The following PIK3CA variants were observed in gnomAD, a reference collection of about 807,000 sequenced individuals.
The protein encoded by PIK3CA is phosphatidylinositol-4,5-bisphosphate 3-kinase catalytic subunit alpha, also known as phosphatidylinositol 4,5-bisphosphate 3-kinase catalytic subunit alpha isoform.
In PIK3CA, 27 loss-of-function variants were observed where a neutral mutation model predicts 138.2. That is an observed-to-expected ratio of 0.20 (90% CI 0.14 to 0.27). PIK3CA has a LOEUF of 0.27. Ranked by LOEUF, PIK3CA falls within the 10% of genes least tolerant of loss-of-function variation. The pLI is 1.00. For missense variants in PIK3CA, 544 were observed against 1,277.4 expected, an observed-to-expected ratio of 0.43 and a Z score of 8.75; for synonymous variants, 358 against 413.2, an observed-to-expected ratio of 0.87 and a Z score of 1.62.
chr3:179,155,049 T>C (rs1353122389), intron 1 of PIK3CA, among the ~76,000 whole-genome samples: 1 of 152,186 alleles, frequency 6.6e-6, no homozygotes, highest in African/African-American at 2.4e-5. Context: ...AAATCAGTGT[T>C]GTGATGTGAA....
intron 1 of PIK3CA, among the ~76,000 whole-genome samples, chr3:179,160,309 T>C (rs1201386758): frequency 1.3e-5 from 2 of 148,918 alleles, no homozygotes; most frequent in Admixed American, 1.3e-4. Context: ...ATCTGACTAC[T>C]GAGCTTTTGC....
chr3:179,224,856 A>T (rs1376426017), intron 16 of PIK3CA, 35 bp downstream of exon 16: 3 of 1,488,568 alleles, frequency 2.0e-6, no homozygotes, highest in Non-Finnish European at 2.8e-6. Flanking sequence ...ATGATGCATG[A>T]ATTTAGCTAT....
chr3:179,214,629 G>A (rs1724795636), intron 9 of PIK3CA, among the ~76,000 whole-genome samples: 1 of 152,044 alleles, frequency 6.6e-6, no homozygotes, highest in Non-Finnish European at 1.5e-5. Flanking sequence ...CAAAAAATGA[G>A]CCATGCATTT....
intron 1 of PIK3CA, among the ~76,000 whole-genome samples, chr3:179,180,144 T>C (rs1034100126): frequency 3.3e-5 from 5 of 152,146 alleles, no homozygotes; most frequent in East Asian, 1.9e-4. Flanking sequence ...TAATTAGATA[T>C]ATGTTTTTAG....
At chr3:179,178,497 A>C (rs1037050408) in intron 1 of PIK3CA, among the ~76,000 whole-genome samples, 1 of 152,208 alleles carries the variant, frequency 6.6e-6, no homozygotes, top group East Asian at 1.9e-4. Flanking sequence ...TAGCTGAAAT[A>C]AAAGTGACTG....
At chr3:179,152,396 A>T (rs1254518539) in intron 1 of PIK3CA, among the ~76,000 whole-genome samples, 1 of 151,868 alleles carries the variant, frequency 6.6e-6, no homozygotes, top group Non-Finnish European at 1.5e-5. Context: ...GAGGGATTGT[A>T]CGAGGTGCTC....
intron 9 of PIK3CA, among the ~76,000 whole-genome samples, chr3:179,214,459 A>G (rs1724791763): frequency 6.6e-6 from 1 of 152,164 alleles, no homozygotes; most frequent in South Asian, 2.1e-4. Flanking sequence ...AACATGCAAC[A>G]CTTATCGAAT....
chr3:179,222,275 A>C (rs1724987272), intron 14 of PIK3CA, among the ~76,000 whole-genome samples: 1 of 152,190 alleles, frequency 6.6e-6, no homozygotes, highest in African/African-American at 2.4e-5. Context: ...GTATTAATGT[A>C]AATGTCATAC....
At chr3:179,183,240 G>T (rs1723893160) in intron 1 of PIK3CA, among the ~76,000 whole-genome samples, 1 of 152,086 alleles carries the variant, frequency 6.6e-6, no homozygotes, top group Non-Finnish European at 1.5e-5. Context: ...CAGAAAATGG[G>T]GCAGATGGCA....
chr3:179,206,155 G>A (rs1402576414), intron 6 of PIK3CA, among the ~76,000 whole-genome samples: 2 of 139,740 alleles, frequency 1.4e-5, no homozygotes, highest in East Asian at 2.1e-4. Flanking sequence ...ACAGTCAAGT[G>A]TAAGCGATTC....
In PIK3CA at chr3:179,220,215, C is replaced by T. The variant is rs1014113174; in HGVS notation, c.2015+163C>T. 4.6e-5 allele frequency among the ~76,000 whole-genome samples: 7 copies of T among 152,190 alleles called. No homozygotes were observed. The highest frequency in any genetic ancestry group is 2.0e-4 in the Admixed American group (3 of 15,278). ...CCAGTGATGAGCTTCTCAACTTTTG[C>T]TCTTTGAAATTTAAAAAGCAGTAAA... On this transcript the variant is annotated intron_variant, in intron 13 of 20. Coordinates refer to ENST00000263967, the MANE Select transcript of PIK3CA (RefSeq NM_006218.4). This position sits in a 1 kb window ranked among gnomAD's most constrained non-coding sequence, Gnocchi z 4.1.
intron 1 of PIK3CA, among the ~76,000 whole-genome samples, chr3:179,190,427 C>T (rs532809101): frequency 1.6e-4 from 23 of 146,424 alleles, no homozygotes; most frequent in Admixed American, 7.1e-4. Flanking sequence ...TATAGAAATA[C>T]ATATAAAAGG....
chr3:179,155,872 G>GA (rs1422777920), intron 1 of PIK3CA, among the ~76,000 whole-genome samples: 2 of 152,030 alleles, frequency 1.3e-5, no homozygotes, highest in Non-Finnish European at 2.9e-5. Context: ...GTGCTGTGGT[G>GA]AAAAAAAATT....
chr3:179,200,318 T>C (rs1724379472), intron 3 of PIK3CA, among the ~76,000 whole-genome samples: 1 of 152,056 alleles, frequency 6.6e-6, no homozygotes, highest in Non-Finnish European at 1.5e-5. Context: ...TCTTAAGTAT[T>C]AAATGCAGTA....
intron 1 of PIK3CA, among the ~76,000 whole-genome samples, chr3:179,189,515 G>A (rs1724074397): frequency 6.6e-6 from 1 of 151,422 alleles, no homozygotes; most frequent in Admixed American, 6.6e-5. Flanking sequence ...ACCCAACCTT[G>A]GTCACATTTA....
chr3:179,210,770 A>T (rs551055337), intron 9 of PIK3CA, among the ~76,000 whole-genome samples: 7 of 152,226 alleles, frequency 4.6e-5, no homozygotes, highest in Non-Finnish European at 1.0e-4. Context: ...GCCTTCATTC[A>T]TTTAACAAAT....
intron 1 of PIK3CA, among the ~76,000 whole-genome samples, chr3:179,160,854 A>C (rs4855095): frequency 0.25 from 38,199 of 151,930 alleles, 5,818 homozygotes; most frequent in African/African-American, 0.42. Flanking sequence ...GCACATACTC[A>C]TTTCTAGAAC....
chr3:179,198,683 C>A, intron 1 of PIK3CA, 67 bp from the exon 2 acceptor site: 1 of 475,362 alleles, frequency 2.1e-6, no homozygotes, highest in Non-Finnish European at 3.7e-6. Flanking sequence ...TACATTTTAG[C>A]AGTGTTATAA....
At chr3:179,203,901 A>C in intron 5 of PIK3CA, 112 bp downstream of exon 5, 1 of 713,772 alleles carries the variant, frequency 1.4e-6, no homozygotes, top group Admixed American at 2.8e-5. Context: ...TGGTTAGGAG[A>C]ACATCCAAAT....
Sources: gnomAD v4.1 joint callset for allele counts (sites outside exome capture counted in the v4.1 genomes callset) on GRCh38, gnomAD v4.1.1 for gene constraint, Gnocchi (gnomAD v3.1) non-coding constraint, MANE v1.5 for transcripts, NCBI Gene and HGNC (gene_info 2026-07-23, HGNC 2026-07-21) for gene names.